The following CEP164 variants were observed in gnomAD, a reference collection of about 807,000 sequenced individuals.
CEP164 encodes centrosomal protein of 164 kDa.
CEP164 carries 162 observed loss-of-function variants against 182.7 expected under a neutral mutation model. That is an observed-to-expected ratio of 0.89 (90% CI 0.78 to 1.01). The LOEUF is 1.01. Ranked by LOEUF, CEP164 falls within the 50% of genes least tolerant of loss-of-function variation. The pLI is 0.00. For synonymous variants in CEP164, 661 were observed against 690.0 expected (o/e 0.96, Z 0.66); for missense variants, 1,735 against 1,790.4 (o/e 0.97, Z 0.56).
intron 11 of CEP164, 90 bp downstream of exon 11, chr11:117,375,881 A>G (rs2042691405): frequency 6.1e-6 from 7 of 1,145,670 alleles, no homozygotes; most frequent in Non-Finnish European, 9.2e-6. Context: ...TGCCCATCAC[A>G]GGGTGCATTT....
At chr11:117,340,217 G>A (rs1033941853) in intron 3 of CEP164, among the ~76,000 whole-genome samples, 5 of 152,144 alleles carry the variant, frequency 3.3e-5, no homozygotes, top group Non-Finnish European at 5.9e-5. Flanking sequence ...TAACAGAGAC[G>A]GGGTTTTGCC....
intron 20 of CEP164, 103 bp downstream of exon 20, chr11:117,393,229 A>C: frequency 6.8e-7 from 1 of 1,463,072 alleles, no homozygotes; most frequent in Non-Finnish European, 9.1e-7. Context: ...ATGCACACAC[A>C]CCCCGGGGTC....
intron 5 of CEP164, among the ~76,000 whole-genome samples, chr11:117,354,579 A>G (rs1174459322): frequency 6.6e-6 from 1 of 152,320 alleles, no homozygotes; most frequent in East Asian, 1.9e-4. Flanking sequence ...CCCAGGTTCC[A>G]TGGAGCAAGG....
chr11:117,354,268 G>A (rs999578976), intron 5 of CEP164, among the ~76,000 whole-genome samples: 3 of 152,134 alleles, frequency 2.0e-5, no homozygotes, highest in Admixed American at 2.0e-4. Flanking sequence ...TCCGCCCGCC[G>A]CAGCCTCCTA....
At chr11:117,405,454 G>A (rs1465064893) in intron 27 of CEP164, among the ~76,000 whole-genome samples, 1 of 152,158 alleles carries the variant, frequency 6.6e-6, no homozygotes, top group Non-Finnish European at 1.5e-5. Context: ...CACCCACCTT[G>A]TTTTGGCTCG....
At chr11:117,402,338 A>G (rs1231945369) in intron 27 of CEP164, among the ~76,000 whole-genome samples, 3 of 151,798 alleles carry the variant, frequency 2.0e-5, no homozygotes, top group East Asian at 3.9e-4. Flanking sequence ...CTCCTGCTTC[A>G]GCCTCCTGAG....
chr11:117,346,235 C>A (rs1166406520), intron 4 of CEP164, among the ~76,000 whole-genome samples: 3 of 151,912 alleles, frequency 2.0e-5, no homozygotes, highest in African/African-American at 7.3e-5. Context: ...TGGCTAACAC[C>A]CTTTTTTATC....
intron 1 of CEP164, among the ~76,000 whole-genome samples, chr11:117,332,348 G>T (rs970754632): frequency 2.0e-5 from 3 of 152,136 alleles, no homozygotes; most frequent in South Asian, 4.1e-4. Context: ...GCCGAGGCGG[G>T]TGGATCACCT....
intron 15 of CEP164, among the ~76,000 whole-genome samples, chr11:117,390,139 C>T (rs960820229): frequency 1.3e-5 from 2 of 151,768 alleles, no homozygotes; most frequent in East Asian, 1.9e-4. Flanking sequence ...GACGGGGTTT[C>T]GCCATTATGG....
intron 14 of CEP164, 129 bp from the exon 15 acceptor site, chr11:117,387,074 C>G: frequency 1.2e-6 from 1 of 815,624 alleles, no homozygotes; most frequent in Non-Finnish European, 2.0e-6. Context: ...CTTGGGTGAC[C>G]TCTTTGACTC....
At position 117,403,567 on chromosome 11, in the gene CEP164, C is replaced by T. The variant is rs555571979; in HGVS notation, c.3502-4358C>T. Among the ~76,000 whole-genome samples the T allele has an allele frequency of 2.6e-5, 4 of 152,328 alleles. No individual in the cohort carries two copies. In the East Asian group the frequency reaches 7.7e-4, roughly 29 times the overall value. On this transcript the variant is annotated intron_variant, in intron 27 of 32. Transcript: ENST00000278935. ...TCCCTTTGTGGGTAACCCGACCTTT[C>T]TCTCTGGCTGCCCTTAACATTTTTT...
intron 27 of CEP164, among the ~76,000 whole-genome samples, chr11:117,403,264 C>G (rs898730991): frequency 6.6e-6 from 1 of 152,166 alleles, no homozygotes; most frequent in African/African-American, 2.4e-5. Context: ...TTCATAGCAT[C>G]GATGGTCTTT....
intron 27 of CEP164, among the ~76,000 whole-genome samples, chr11:117,403,903 A>T (rs185046009): frequency 3.3e-5 from 5 of 151,378 alleles, no homozygotes; most frequent in African/African-American, 1.2e-4. Context: ...TTTCATTGTT[A>T]ATCTTCAATC....
intron 11 of CEP164, among the ~76,000 whole-genome samples, chr11:117,379,298 CA>C (rs1174652899): frequency 6.6e-6 from 1 of 152,158 alleles, no homozygotes; most frequent in Non-Finnish European, 1.5e-5. Flanking sequence ...CTCACCCATC[CA>C]GATGGCAGGG....
intron 4 of CEP164, among the ~76,000 whole-genome samples, chr11:117,345,500 G>T (rs2038757948): frequency 6.6e-6 from 1 of 152,096 alleles, no homozygotes; most frequent in Non-Finnish European, 1.5e-5. Context: ...CTGGTCCTCA[G>T]GTATCTTAGG....
rs764411028 is a variant in CEP164 at position 117,395,510 on chromosome 11, T to G, written c.2914-37T>G. The G allele has an allele frequency of 1.9e-6, 3 of 1,573,622 alleles. No homozygotes were observed. In the Admixed American group the frequency reaches 5.5e-5, roughly 29 times the overall value. The stretch of plus-strand genomic sequence containing the variant: ...TCTGCTCCCTGGCTTCTCTCTGTGC[T>G]GTCTCTGGGTGCTTCTATCTTTCCT... On this transcript the variant is annotated intron_variant, in intron 23 of 32. Transcript: ENST00000278935.
rs55864956 is a variant in CEP164 at position 117,337,510 on chromosome 11, T to TAAAAAAAAAAAAA, written c.-21-1054_-21-1042dup. 7.6e-4 allele frequency among the ~76,000 whole-genome samples: 98 copies of TAAAAAAAAAAAAA among 128,826 alleles called. 1 individual carries two copies. The highest frequency in any genetic ancestry group is 2.5e-3 in the African/African-American group (87 of 34,126). 84.5% of individuals were successfully genotyped at this position (128,826 alleles called of 152,430 possible). A position where few individuals can be genotyped will look rare whatever the true frequency, so the allele number is the denominator to read the frequency against. On this transcript the variant is annotated intron_variant, in intron 2 of 32. Transcript: ENST00000278935. ...GCAACATAGTGAGACACCATCTCTG[T>TAAAAAAAAAAAAA]AAAAAAAAAAAAAAGTAAAATATAT...
At chr11:117,362,374 G>A (rs1592163742) in intron 6 of CEP164, 30 bp from the exon 7 acceptor site, 1 of 1,602,242 alleles carries the variant, frequency 6.2e-7, no homozygotes. Context: ...TTCCAAGTGA[G>A]TCCTTTGACT....
At chr11:117,404,675 A>G (rs888534111) in intron 27 of CEP164, among the ~76,000 whole-genome samples, 1 of 152,214 alleles carries the variant, frequency 6.6e-6, no homozygotes, top group East Asian at 1.9e-4. Context: ...GCAGAGCCCA[A>G]GTGCTGTGCT....
Sources: allele counts gnomAD v4.1 joint callset (sites outside exome capture counted in the v4.1 genomes callset), GRCh38; gene constraint gnomAD v4.1.1; transcripts MANE v1.5; gene names NCBI Gene and HGNC (gene_info 2026-07-23, HGNC 2026-07-21).